DDX6: variants seen among roughly 807,000 people sequenced by gnomAD.
DDX6 encodes probable ATP-dependent RNA helicase DDX6.
In DDX6, 7 loss-of-function variants were observed where a neutral mutation model predicts 60.6. That is an observed-to-expected ratio of 0.12 (90% CI 0.07 to 0.22). The LOEUF is 0.22. Ranked by LOEUF, DDX6 falls within the 10% of genes least tolerant of loss-of-function variation. DDX6 has a pLI of 1.00. For missense variants in DDX6, 270 were observed against 589.9 expected, an observed-to-expected ratio of 0.46 and a Z score of 5.62; for synonymous variants, 207 against 201.0, an observed-to-expected ratio of 1.03 and a Z score of -0.25.
intron 4 of DDX6, among the ~76,000 whole-genome samples, chr11:118,778,538 C>T (rs1555164058): frequency 6.6e-6 from 1 of 152,144 alleles, no homozygotes; most frequent in East Asian, 1.9e-4. Context: ...ATCCACAAAA[C>T]GGGGATAATA....
In DDX6 at chr11:118,760,149, G is replaced by GA. The variant is rs17134912; in HGVS notation, c.742-106dup. On this transcript the variant is annotated intron_variant, in intron 7 of 13. Coordinates refer to ENST00000534980, the MANE Select transcript of DDX6 (RefSeq NM_004397.6). ...GGCATCATCCAACAAAAGCATCCAT[G>GA]AAATGTTCCTGGTGGAAAACAATAA... 7.3e-3 allele frequency: 7,783 copies of GA among 1,069,214 alleles called. 403 individuals carry two copies. In the East Asian group the frequency reaches 0.1, roughly 14 times the overall value. The allele number at this position is 1,069,214 out of a possible 1,614,324, so 66.2% of individuals were successfully genotyped here.
chr11:118,790,457 T>C (rs976635951), intron 1 of DDX6: 1 of 152,204 alleles, frequency 6.6e-6, no homozygotes, highest in African/African-American at 2.4e-5. Flanking sequence ...CCTCTTGTTA[T>C]TGACCCGCAA....
At chr11:118,787,686 T>A (rs193163470) in intron 1 of DDX6, 3 of 152,248 alleles carry the variant, frequency 2.0e-5, no homozygotes, top group Non-Finnish European at 4.4e-5. Flanking sequence ...TTTTTCCTTT[T>A]TGTCCTTTAA....
At position 118,753,180 on chromosome 11, in the gene DDX6, C is replaced by A. The variant is rs528316808; in HGVS notation, c.*8-1083G>T. Among the ~76,000 whole-genome samples, 4 of 152,092 alleles carry A rather than the reference C, an allele frequency of 2.6e-5. No individual in the cohort carries two copies. The South Asian group carries it at 8.3e-4, about 32-fold the overall frequency. On this transcript the variant is annotated intron_variant, in intron 13 of 13. Coordinates refer to ENST00000534980, the MANE Select transcript of DDX6 (RefSeq NM_004397.6). ...ACTAGCTGGGATTACAGGCGCCCGC[C>A]ACCATGCCTGGCTAATTTTCTGTAT...
At chr11:118,782,441 C>T (rs964498357) in intron 2 of DDX6, among the ~76,000 whole-genome samples, 3 of 151,808 alleles carry the variant, frequency 2.0e-5, no homozygotes, top group Admixed American at 6.6e-5. Context: ...GGAACATCTG[C>T]AGACAAAGTA....
intron 4 of DDX6, among the ~76,000 whole-genome samples, chr11:118,770,690 G>C (rs782299646): frequency 3.3e-5 from 5 of 152,006 alleles, no homozygotes; most frequent in Admixed American, 6.6e-5. Context: ...AGGAGTTCGA[G>C]ACCAGCCTGG....
chr11:118,753,385 G>T (rs959449754), intron 13 of DDX6, among the ~76,000 whole-genome samples: 14 of 133,720 alleles, frequency 1.0e-4, no homozygotes, highest in Non-Finnish European at 2.0e-4. Flanking sequence ...TGTCACCCAG[G>T]CTGGAGTGCA....
intron 7 of DDX6, among the ~76,000 whole-genome samples, chr11:118,761,991 C>T (rs1014479636): frequency 6.6e-6 from 1 of 151,312 alleles, no homozygotes; most frequent in Non-Finnish European, 1.5e-5. Context: ...AAACACAAAC[C>T]AGGCCGGGCG....
intron 3 of DDX6, 34 bp from the exon 4 acceptor site, chr11:118,779,770 A>T: frequency 6.9e-7 from 1 of 1,459,676 alleles, no homozygotes. Flanking sequence ...AAAAGAATAA[A>T]TAACACTGTT....
chr11:118,754,949 A>C, intron 12 of DDX6, 62 bp from the exon 13 acceptor site: 1 of 1,445,692 alleles, frequency 6.9e-7, no homozygotes, highest in Non-Finnish European at 9.3e-7. Context: ...TGAATTGTGC[A>C]AGTCAAGCAG....
intron 12 of DDX6, among the ~76,000 whole-genome samples, 157 bp downstream of exon 12, chr11:118,755,242 CAGA>C (rs1338564882): frequency 3.3e-5 from 5 of 152,180 alleles, no homozygotes; most frequent in Admixed American, 1.3e-4. Context: ...ATAAATGCTA[CAGA>C]AGAATTAGAA....
Position 118,754,828 on chromosome 11 carries a change from G to T in DDX6, c.1336C>A (p.Leu446Met). 6.2e-7 allele frequency: 1 copy of T among 1,613,824 alleles called. No individual in the cohort carries two copies. The highest frequency in any genetic ancestry group is 8.5e-7 in the Non-Finnish European group (1 of 1,179,864). Residue 446 changes from leucine to methionine, a missense_variant, in exon 13 of 14, where the codon CTG becomes ATG. Coordinates refer to ENST00000534980, the MANE Select transcript of DDX6 (RefSeq NM_004397.6). ...CCCAGCTGCTCCTCAATACTTTTCA[G>T]GTTGAAGCGATCATCATATGTGATC... ...NLITYDDRFNLKSIEEQLGTE... is the reference protein window; with the variant it reads ...NLITYDDRFNMKSIEEQLGTE...
At chr11:118,764,544 C>T (rs1861284214) in intron 6 of DDX6, among the ~76,000 whole-genome samples, 4 of 152,180 alleles carry the variant, frequency 2.6e-5, no homozygotes, top group Middle Eastern at 6.8e-3. Flanking sequence ...GTGGCTCACG[C>T]CTGTAATCCC....
At chr11:118,760,141 G>T in intron 7 of DDX6, 97 bp from the exon 8 acceptor site, 1 of 1,141,366 alleles carries the variant, frequency 8.8e-7, no homozygotes, top group Non-Finnish European at 1.2e-6. Context: ...TCCAACAAAA[G>T]CATCCATGAA....
intron 12 of DDX6, among the ~76,000 whole-genome samples, chr11:118,755,180 T>C (rs1860923484): frequency 6.6e-6 from 1 of 152,138 alleles, no homozygotes; most frequent in Non-Finnish European, 1.5e-5. Flanking sequence ...ATGAGTGAAG[T>C]TCTCATGTGT....
At chr11:118,769,509 C>T (rs1301306050) in intron 4 of DDX6, among the ~76,000 whole-genome samples, 2 of 152,070 alleles carry the variant, frequency 1.3e-5, no homozygotes, top group African/African-American at 4.8e-5. Context: ...TCCCAGACAA[C>T]AGCAAAGGAT....
intron 4 of DDX6, among the ~76,000 whole-genome samples, chr11:118,773,173 A>T (rs1418945795): frequency 1.3e-5 from 2 of 152,232 alleles, no homozygotes; most frequent in Admixed American, 6.5e-5. Flanking sequence ...GCATTTTACA[A>T]AAGTGTGGTA....
At position 118,749,861 on chromosome 11, in the gene DDX6, T is replaced by C. The variant is rs1213960279; in HGVS notation, c.*2244A>G. 6.6e-6 allele frequency: 1 copy of C among 152,564 alleles called. No individual in the cohort carries two copies. Among genetic ancestry groups the C allele is most frequent in the Admixed American group, 6.5e-5 (1 of 15,278 alleles). The allele number at this position is 152,564 out of a possible 1,614,324, so 9.5% of individuals were successfully genotyped here. A position where few individuals can be genotyped will look rare whatever the true frequency, so the allele number is the denominator to read the frequency against. On this transcript the variant is annotated 3_prime_UTR_variant, in exon 14 of 14. Transcript: ENST00000534980. ...TAGGTTTTCTATTTAGTAACCAACATTGACTGGACAGAAAATATGAGGCTT... is the reference window on the plus strand; with the variant it reads ...TAGGTTTTCTATTTAGTAACCAACACTGACTGGACAGAAAATATGAGGCTT...
intron 6 of DDX6, among the ~76,000 whole-genome samples, 152 bp downstream of exon 6, chr11:118,765,057 T>C (rs1415492988): frequency 1.3e-5 from 2 of 152,180 alleles, no homozygotes; most frequent in African/African-American, 4.8e-5. Flanking sequence ...TTATGGTAAT[T>C]TGTCTTTTTC....
Sources: allele counts gnomAD v4.1 joint callset (sites outside exome capture counted in the v4.1 genomes callset), GRCh38; gene constraint gnomAD v4.1.1; transcripts MANE v1.5; gene names NCBI Gene and HGNC (gene_info 2026-07-23, HGNC 2026-07-21).